The following SRM variants were observed in gnomAD, a reference collection of about 807,000 sequenced individuals.
The protein encoded by SRM is putrescine aminopropyltransferase.
A neutral mutation model predicts 39.3 loss-of-function variants in SRM; 14 were observed. The ratio of observed to expected loss-of-function variants is 0.36; its 90% CI spans 0.24 to 0.56. The LOEUF is 0.56. Ranked by LOEUF, SRM falls within the 20% of genes least tolerant of loss-of-function variation. SRM has a pLI of 0.86. For synonymous variants in SRM, 195 were observed against 173.1 expected, an observed-to-expected ratio of 1.13 and a Z score of -0.99; for missense variants, 244 against 409.2, an observed-to-expected ratio of 0.60 and a Z score of 3.48.
At chr1:11,058,071 G>A (rs1638911177) in intron 3 of SRM, among the ~76,000 whole-genome samples, 1 of 151,348 alleles carries the variant, frequency 6.6e-6, no homozygotes. Context: ...GAGCCACCAC[G>A]TCTGGCCATC....
chr1:11,055,841 G>A lies in SRM; in HGVS notation c.705C>T (p.Tyr235=). 1 of 1,610,942 alleles carries A rather than the reference G, an allele frequency of 6.2e-7. No homozygotes were observed. ...CGCTGGGGTAGGTGGGGATGGTGCAGTAGGCATAGGCCACCACGGGGAACA... is the reference window on the plus strand; with the variant it reads ...CGCTGGGGTAGGTGGGGATGGTGCAATAGGCATAGGCCACCACGGGGAACA... ...QSLFPVVAYA[Y]CTIPTYPSGQ... Residue 235 remains tyrosine (Y), a synonymous_variant, in exon 6 of 8, where the codon TAC becomes TAT. Coordinates refer to ENST00000376957, the MANE Select transcript of SRM (RefSeq NM_003132.3).
At chr1:11,055,978 G>A (rs768872593) in intron 5 of SRM, 33 bp downstream of exon 5, 20 of 1,025,140 alleles carry the variant, frequency 2.0e-5, no homozygotes, top group Middle Eastern at 2.4e-4. Flanking sequence ...GCCCCACCCC[G>A]CCCCGCCCCA....
At position 11,055,956 on chromosome 1, in the gene SRM, A is replaced by G. The variant is rs1638870722; in HGVS notation, c.620-30T>C. 10 of 1,589,012 alleles carry G rather than the reference A, an allele frequency of 6.3e-6. No individual in the cohort carries two copies. In the East Asian group the frequency reaches 2.2e-4, roughly 36 times the overall value. ...GGGCCCCTAAGCATCAGCATCCGGC[A>G]GGGCCTGCCCTGCCCCACCCCGCCC... On this transcript the variant is annotated intron_variant, in intron 5 of 7. Coordinates refer to ENST00000376957, the MANE Select transcript of SRM (RefSeq NM_003132.3).
At chr1:11,058,510 G>C (rs1478648615) in intron 3 of SRM, among the ~76,000 whole-genome samples, 1 of 148,218 alleles carries the variant, frequency 6.7e-6, no homozygotes, top group Non-Finnish European at 1.5e-5. Flanking sequence ...GCAGTGAGCC[G>C]AGATCGCACC....
rs1424315874 is a variant in SRM at position 11,058,821 on chromosome 1, C to T, written c.360G>A (p.Val120=). The stretch of plus-strand genomic sequence containing the variant: ...TCACCTCGTCGATCTCACACTGGAC[C>T]ACGGACTCCACGGAGGGGTGCTTCA... The part of the protein sequence containing the change: ...EVVKHPSVES[V]VQCEIDEDVI... The change falls in exon 3 of 8, where the codon GTG becomes GTA. Residue 120 remains valine (V), a synonymous_variant. Coordinates refer to ENST00000376957, the MANE Select transcript of SRM (RefSeq NM_003132.3). 6.2e-7 allele frequency: 1 copy of T among 1,611,418 alleles called. No individual in the cohort carries two copies. The highest frequency in any genetic ancestry group is 1.1e-5 in the South Asian group (1 of 90,540).
At position 11,055,006 on chromosome 1, in the gene SRM, C is replaced by G. The variant is rs372210836; in HGVS notation, c.844G>C (p.Asp282His). 8 of 1,612,580 alleles carry G rather than the reference C, an allele frequency of 5.0e-6. No homozygotes were observed. Among genetic ancestry groups the G allele is most frequent in the Non-Finnish European group, 6.8e-6 (8 of 1,179,948 alleles). Residue 282 changes from aspartate (D) to histidine (H), a missense_variant, in exon 7 of 8, where the codon GAC becomes CAC. Coordinates refer to ENST00000376957, the MANE Select transcript of SRM (RefSeq NM_003132.3). ...AQMQLKYYNS[D>H]VHRAAFVLPE... ...AGCACAAAGGCGGCGCGGTGCACGT[C>G]GGAGTTGTAGTACTTCAGCTGCATC...
chr1:11,059,972 G>GGCCCGGGACTGCAGGCCGCGC lies in SRM; in HGVS notation c.-50_-30dup. 1 of 976,946 alleles carries GGCCCGGGACTGCAGGCCGCGC rather than the reference G, an allele frequency of 1.0e-6. No homozygotes were observed. The highest frequency in any genetic ancestry group is 4.6e-5 in the South Asian group (1 of 21,972). The allele number at this position is 976,946 out of a possible 1,614,324, so 60.5% of individuals were successfully genotyped here. The stretch of plus-strand genomic sequence containing the variant: ...GGGCGGGCGGGCGGCGCGGGGCGCG[G>GGCCCGGGACTGCAGGCCGCGC]GCCCGGGACTGCAGGCCGCGCGGCG... On this transcript the variant is annotated 5_prime_UTR_variant, in exon 1 of 8. Transcript: ENST00000376957.
In SRM at chr1:11,056,812, A is replaced by C. The variant is rs1557683037; in HGVS notation, c.382-55T>G. 1.9e-6 allele frequency: 3 copies of C among 1,601,576 alleles called. No homozygotes were observed. In the East Asian group the frequency reaches 6.7e-5, roughly 36 times the overall value. On this transcript the variant is annotated intron_variant, in intron 3 of 7. Transcript: ENST00000376957. The stretch of plus-strand genomic sequence containing the variant: ...CCAAGGGGCTGGGGGACCTGGAGCC[A>C]GCACAGCCACGTGGGACTCTCCAAG...
chr1:11,055,744 T>TCCCCCCCACCCCCCCC, intron 6 of SRM, 37 bp downstream of exon 6: 1 of 1,336,814 alleles, frequency 7.5e-7, no homozygotes, highest in East Asian at 2.7e-5. Context: ...ATGCCCACCT[T>TCCCCCCCACCCCCCCC]CCCCCCAACC....
At chr1:11,059,627 G>A (rs1638941743) in intron 1 of SRM, 150 bp downstream of exon 1, 1 of 1,048,298 alleles carries the variant, frequency 9.5e-7, no homozygotes, top group Non-Finnish European at 1.3e-6. Context: ...CCCAGCCCCA[G>A]CCCAGGGAGG....
At position 11,059,134 on chromosome 1, in the gene SRM, C is replaced by T. The variant is rs879002781; in HGVS notation, c.288+91G>A. The stretch of plus-strand genomic sequence containing the variant: ...GCCCCTGGCCTCGCTAGCACTTTCT[C>T]TGACAACCATGCAGGCAGCATCTGG... On this transcript the variant is annotated intron_variant, in intron 2 of 7. Transcript: ENST00000376957. 64 of 1,590,646 alleles carry T rather than the reference C, an allele frequency of 4.0e-5. No homozygotes were observed. In the South Asian group the frequency reaches 6.3e-4, roughly 16 times the overall value.
At chr1:11,055,744 TC>T (rs1557682566) in intron 6 of SRM, 36 bp downstream of exon 6, 13 of 1,336,728 alleles carry the variant, frequency 9.7e-6, no homozygotes, top group East Asian at 2.7e-5. Context: ...ATGCCCACCT[TC>T]CCCCCAACCC....
intron 3 of SRM, among the ~76,000 whole-genome samples, chr1:11,057,611 T>TC (rs1638903329): frequency 1.4e-5 from 2 of 147,334 alleles, no homozygotes; most frequent in African/African-American, 2.5e-5. Context: ...CAGGAGAACC[T>TC]CCCCCTCCCT....
chr1:11,055,977 C>T (rs749260464), intron 5 of SRM, 34 bp downstream of exon 5: 111 of 1,592,950 alleles, frequency 7.0e-5, no homozygotes, highest in Non-Finnish European at 8.0e-5. Context: ...TGCCCCACCC[C>T]GCCCCGCCCC....
Position 11,054,981 on chromosome 1 carries a change from AG to A in SRM, c.868del (p.Leu290CysfsTer9). 6.2e-7 allele frequency: 1 copy of A among 1,612,474 alleles called. No homozygotes were observed. The highest frequency in any genetic ancestry group is 1.7e-5 in the Admixed American group (1 of 59,994). ...ACCCACCTTGCGGGCAAACTCGGGC[AG>A]CACAAAGGCGGCGCGGTGCACGTCG... ...NSDVHRAAFVLPEFARKALND... is the reference protein window; with the variant it reads ...NSDVHRAAFVXPEFARKALND... On this transcript the variant is annotated frameshift_variant, in exon 7 of 8. Coordinates refer to ENST00000376957, the MANE Select transcript of SRM (RefSeq NM_003132.3). LOFTEE classifies it high-confidence loss of function. The surrounding 1 kb of genome is among the most constrained non-coding windows in gnomAD (Gnocchi z 4.8).
intron 1 of SRM, 142 bp from the exon 2 acceptor site, chr1:11,059,487 G>C (rs1273981449): frequency 7.0e-7 from 1 of 1,427,614 alleles, no homozygotes; most frequent in Non-Finnish European, 9.5e-7. Flanking sequence ...GGCGAGGAAC[G>C]GCAGGCGGGC....
intron 3 of SRM, among the ~76,000 whole-genome samples, chr1:11,058,182 AT>A (rs952374949): frequency 6.6e-6 from 1 of 152,148 alleles, no homozygotes; most frequent in African/African-American, 2.4e-5. Context: ...ACGTAGCATG[AT>A]TTTAGTGAGC....
chr1:11,054,747 A>G lies in SRM; in HGVS notation c.*118T>C, dbSNP rs1638837255. The G allele has an allele frequency of 4.2e-6, 6 of 1,413,802 alleles. No individual in the cohort carries two copies. Among genetic ancestry groups the G allele is most frequent in the Non-Finnish European group, 5.7e-6 (6 of 1,060,710 alleles). 87.6% of individuals were successfully genotyped at this position (1,413,802 alleles called of 1,614,324 possible). A position where few individuals can be genotyped will look rare whatever the true frequency, so the allele number is the denominator to read the frequency against. On this transcript the variant is annotated 3_prime_UTR_variant, in exon 8 of 8. Transcript: ENST00000376957. This position sits in a 1 kb window ranked among gnomAD's most constrained non-coding sequence, Gnocchi z 4.8. Reference sequence around the variant, plus strand: ...GGCCGGGCAGCATTCTGGGGCTTGTAACACTTGGTTGGTGGGCGAGAGCCA... The same window carrying G: ...GGCCGGGCAGCATTCTGGGGCTTGTGACACTTGGTTGGTGGGCGAGAGCCA...
In SRM at chr1:11,054,969, G is replaced by A; in HGVS notation, c.881C>T (p.Ala294Val). The change falls in exon 7 of 8, where the codon GCC (alanine) becomes GTC (valine). Residue 294 changes from alanine to valine, a missense_variant. Coordinates refer to ENST00000376957, the MANE Select transcript of SRM (RefSeq NM_003132.3). This position sits in a 1 kb window ranked among gnomAD's most constrained non-coding sequence, Gnocchi z 4.8. Reference protein sequence around the residue: ...HRAAFVLPEFARKALNDVS With the variant: ...HRAAFVLPEFVRKALNDVS ...GCCCCGCAGGCCACCCACCTTGCGG[G>A]CAAACTCGGGCAGCACAAAGGCGGC... The A allele has an allele frequency of 6.2e-7, 1 of 1,612,360 alleles. No homozygotes were observed. Among genetic ancestry groups the A allele is most frequent in the Non-Finnish European group, 8.5e-7 (1 of 1,179,886 alleles).
Sources: allele counts gnomAD v4.1 joint callset (sites outside exome capture counted in the v4.1 genomes callset), GRCh38; gene constraint gnomAD v4.1.1; non-coding constraint Gnocchi (gnomAD v3.1); transcripts MANE v1.5; gene names NCBI Gene and HGNC (gene_info 2026-07-23, HGNC 2026-07-21).